The following NTRK2 variants were observed in gnomAD, a reference collection of about 807,000 sequenced individuals.
The protein encoded by NTRK2 is BDNF/NT-3 growth factors receptor.
Under a neutral mutation model 94.5 loss-of-function variants are expected in NTRK2, and 13 were observed. The ratio of observed to expected loss-of-function variants is 0.14; its 90% CI spans 0.09 to 0.22. The LOEUF (loss-of-function observed/expected upper bound fraction) is 0.22, where lower values mean the gene tolerates loss of function less well. Ranked by LOEUF, NTRK2 falls within the 10% of genes least tolerant of loss-of-function variation. The probability of loss-of-function intolerance (pLI) is 1.00; values close to 1 mark genes in which losing one functional copy is unlikely to be tolerated. For synonymous variants in NTRK2, 372 were observed against 407.4 expected, an observed-to-expected ratio of 0.91 and a Z score of 1.05; for missense variants, 639 against 1,071.2, an observed-to-expected ratio of 0.60 and a Z score of 5.63.
At chr9:84,903,819 G>A (rs1046341043) in intron 14 of NTRK2, among the ~76,000 whole-genome samples, 1 of 151,582 alleles carries the variant, frequency 6.6e-6, no homozygotes, top group Admixed American at 6.6e-5. Flanking sequence ...ATAGGGAAAT[G>A]CTTCATCAGT....
intron 12 of NTRK2, among the ~76,000 whole-genome samples, chr9:84,806,190 A>T (rs1221250187): frequency 6.6e-6 from 1 of 152,172 alleles, no homozygotes; most frequent in Admixed American, 6.5e-5. Flanking sequence ...TCTGAGATGG[A>T]GGGAAATCAA....
At chr9:84,868,952 C>A (rs1404508030) in intron 14 of NTRK2, among the ~76,000 whole-genome samples, 1 of 152,126 alleles carries the variant, frequency 6.6e-6, no homozygotes, top group Non-Finnish European at 1.5e-5. Context: ...AACATACCCT[C>A]AAAAAGTTGC....
intron 12 of NTRK2, among the ~76,000 whole-genome samples, chr9:84,823,839 G>C (rs897875703): frequency 1.3e-5 from 2 of 152,202 alleles, no homozygotes; most frequent in African/African-American, 4.8e-5. Flanking sequence ...CTTTCTGGCT[G>C]GACATTCTGC....
chr9:84,700,684 A>G (rs763189421), intron 2 of NTRK2, among the ~76,000 whole-genome samples: 56 of 152,150 alleles, frequency 3.7e-4, no homozygotes, highest in Non-Finnish European at 6.3e-4. Flanking sequence ...TTTCTTTCAC[A>G]CAGTGGGGGA....
At chr9:84,870,122 T>TATATATATATAC (rs1564410499) in intron 14 of NTRK2, among the ~76,000 whole-genome samples, 1 of 132,990 alleles carries the variant, frequency 7.5e-6, no homozygotes, top group African/African-American at 2.8e-5. Context: ...TATATATATA[T>TATATATATATAC]ATATACACAC....
intron 12 of NTRK2, among the ~76,000 whole-genome samples, chr9:84,775,381 C>T (rs2066933602): frequency 1.3e-5 from 2 of 152,190 alleles, no homozygotes; most frequent in African/African-American, 4.8e-5. Context: ...GTCTTATGCT[C>T]ACATATTATT....
chr9:84,944,640 C>T (rs1441520277), intron 15 of NTRK2, among the ~76,000 whole-genome samples: 3 of 152,212 alleles, frequency 2.0e-5, no homozygotes, highest in Non-Finnish European at 2.9e-5. Flanking sequence ...CATTGCAGGC[C>T]AAGGGCTGGA....
chr9:84,889,682 G>T (rs1288824901), intron 14 of NTRK2, among the ~76,000 whole-genome samples: 1 of 152,196 alleles, frequency 6.6e-6, no homozygotes, highest in African/African-American at 2.4e-5. Flanking sequence ...CAAAGTGCTA[G>T]GATTACTGGC....
chr9:84,730,735 C>T (rs2062798743), intron 9 of NTRK2, among the ~76,000 whole-genome samples: 1 of 27,174 alleles, frequency 3.7e-5, no homozygotes, highest in African/African-American at 1.1e-4. Context: ...AGCGAGACTC[C>T]GTCTCAAAAA....
chr9:84,674,627 G>GT (rs1273043825), intron 2 of NTRK2, among the ~76,000 whole-genome samples: 14 of 152,302 alleles, frequency 9.2e-5, no homozygotes, highest in African/African-American at 3.4e-4. Context: ...TTGGAGCACG[G>GT]TTACATAAGC....
chr9:84,800,181 C>G (rs908582315), intron 12 of NTRK2, among the ~76,000 whole-genome samples: 1 of 149,276 alleles, frequency 6.7e-6, no homozygotes, highest in Non-Finnish European at 1.5e-5. Context: ...AACTGGAAGC[C>G]GAAGCTCTAT....
chr9:84,924,542 C>A (rs2077692098), intron 14 of NTRK2, among the ~76,000 whole-genome samples: 1 of 152,170 alleles, frequency 6.6e-6, no homozygotes, highest in African/African-American at 2.4e-5. Flanking sequence ...CAAATCAATC[C>A]AATTCTACCA....
intron 17 of NTRK2, among the ~76,000 whole-genome samples, chr9:84,992,583 G>A (rs1299395232): frequency 2.0e-5 from 3 of 152,012 alleles, no homozygotes; most frequent in South Asian, 2.1e-4. Context: ...CACCGTGCCT[G>A]GCAAAGAACA....
rs1047793175 is a variant in NTRK2 at position 85,024,435 on chromosome 9, T to A, written c.*2998T>A. On this transcript the variant is annotated 3_prime_UTR_variant, in exon 19 of 19. Coordinates refer to ENST00000277120, the MANE Select transcript of NTRK2 (RefSeq NM_006180.6). ...TCATTTCCATTTAGAAGTCATTGAA[T>A]AGTTTTCCAAACACTTTCCATGTGT... 7 of 232,938 alleles carry A rather than the reference T, an allele frequency of 3.0e-5. No individual in the cohort carries two copies. The highest frequency in any genetic ancestry group is 4.2e-5 in the Non-Finnish European group (5 of 117,926). The allele number at this position is 232,938 out of a possible 1,614,324, so 14.4% of individuals were successfully genotyped here. A position where few individuals can be genotyped will look rare whatever the true frequency, so the allele number is the denominator to read the frequency against.
chr9:84,939,461 C>T (rs2078329666), intron 15 of NTRK2, among the ~76,000 whole-genome samples: 1 of 152,104 alleles, frequency 6.6e-6, no homozygotes, highest in South Asian at 2.1e-4. Context: ...CCTGGTGAAC[C>T]AGATTGAGGA....
chr9:84,727,293 A>G (rs1198019632), intron 8 of NTRK2, among the ~76,000 whole-genome samples: 3 of 152,206 alleles, frequency 2.0e-5, no homozygotes, highest in Non-Finnish European at 4.4e-5. Flanking sequence ...ATGAATCTGT[A>G]TAATATCAAG....
chr9:84,768,554 A>G (rs2066242480), intron 12 of NTRK2, among the ~76,000 whole-genome samples: 1 of 152,126 alleles, frequency 6.6e-6, no homozygotes, highest in Non-Finnish European at 1.5e-5. Context: ...CTTATTTAAA[A>G]ATGGACATCA....
At chr9:84,921,516 CTGGTGGCTG>C (rs1275255955) in intron 14 of NTRK2, among the ~76,000 whole-genome samples, 2 of 152,270 alleles carry the variant, frequency 1.3e-5, no homozygotes, top group Middle Eastern at 3.4e-3. Flanking sequence ...AAAAATACAT[CTGGTGGCTG>C]CAGAGAAAGG....
chr9:84,723,490 AAC>A, intron 6 of NTRK2, 81 bp from the exon 7 acceptor site: 2 of 1,496,888 alleles, frequency 1.3e-6, no homozygotes, highest in Non-Finnish European at 1.9e-6. Context: ...TTAAAGCATA[AAC>A]AGTTTTCAAT....
Sources: gnomAD v4.1 joint callset for allele counts (sites outside exome capture counted in the v4.1 genomes callset) on GRCh38, gnomAD v4.1.1 for gene constraint, MANE v1.5 for transcripts, NCBI Gene and HGNC (gene_info 2026-07-23, HGNC 2026-07-21) for gene names.